The following ZNF292 variants were observed in gnomAD, a reference collection of about 807,000 sequenced individuals.
ZNF292 encodes the protein 16 zinc-finger domain protein.
Under a neutral mutation model 217.9 loss-of-function variants are expected in ZNF292, and 26 were observed. That is an observed-to-expected ratio of 0.12 (90% CI 0.09 to 0.17). ZNF292 has a LOEUF of 0.17. Among genes scored for constraint, ZNF292 ranks in the 10% least tolerant of loss-of-function variants. The probability of loss-of-function intolerance (pLI) is 1.00; values close to 1 mark genes in which losing one functional copy is unlikely to be tolerated. For synonymous variants in ZNF292, 1,257 were observed against 1,124.1 expected, an observed-to-expected ratio of 1.12 and a Z score of -2.37; for missense variants, 2,904 against 3,175.2, an observed-to-expected ratio of 0.91 and a Z score of 2.05.
chr6:87,249,106 CCTT>C (rs1370560045), intron 7 of ZNF292, among the ~76,000 whole-genome samples: 1 of 152,136 alleles, frequency 6.6e-6, no homozygotes, highest in East Asian at 1.9e-4. Context: ...ATGGCAGCAG[CCTT>C]CTTCTCTGTT....
chr6:87,223,040 CTT>C, intron 4 of ZNF292: 1 of 201,024 alleles, frequency 5.0e-6, no homozygotes, highest in Non-Finnish European at 1.1e-5. Flanking sequence ...GTCAACATGA[CTT>C]ATCACTGTTT....
intron 1 of ZNF292, among the ~76,000 whole-genome samples, chr6:87,163,446 G>T (rs557793603): frequency 6.7e-6 from 1 of 149,430 alleles, no homozygotes; most frequent in African/African-American, 2.5e-5. Context: ...TCGAGACTTC[G>T]CCTCAAAAAA....
chr6:87,163,301 A>G (rs1770813335), intron 1 of ZNF292, among the ~76,000 whole-genome samples: 1 of 152,110 alleles, frequency 6.6e-6, no homozygotes, highest in Non-Finnish European at 1.5e-5. Flanking sequence ...AATACAAAAA[A>G]TTAGCCGGGT....
rs1220119218 is a variant in ZNF292, at chr6:87,155,682, G to A, written c.91G>A (p.Glu31Lys). Reference protein sequence around the residue: ...ELQRLGERLQELELQLRESRV... With the variant: ...ELQRLGERLQKLELQLRESRV... Reference sequence around the variant, plus strand: ...GCAGCGCCTGGGCGAGCGGCTCCAGGAGCTGGAGCTACAGCTGCGGGAGAG... The same window carrying A: ...GCAGCGCCTGGGCGAGCGGCTCCAGAAGCTGGAGCTACAGCTGCGGGAGAG... The change falls in exon 1 of 8, where the codon GAG (glutamate) becomes AAG (lysine). Residue 31 changes from glutamate to lysine, a missense_variant. This residue lies in a region of ZNF292 where 66 missense variants were observed against 44.1 expected (regional missense o/e 1.50). Coordinates refer to ENST00000369577, the MANE Select transcript of ZNF292 (RefSeq NM_015021.3). 8 of 1,589,574 alleles carry A rather than the reference G, an allele frequency of 5.0e-6. No homozygotes were observed. The highest frequency in any genetic ancestry group is 6.8e-6 in the Non-Finnish European group (8 of 1,169,916).
At chr6:87,155,841 G>A in intron 1 of ZNF292, 82 bp downstream of exon 1, 3 of 1,434,704 alleles carry the variant, frequency 2.1e-6, no homozygotes, top group Non-Finnish European at 2.7e-6. Flanking sequence ...GCCGAGAGGT[G>A]GTCGCCGCTT....
intron 1 of ZNF292, among the ~76,000 whole-genome samples, chr6:87,183,844 C>A (rs1771548138): frequency 6.6e-6 from 1 of 152,192 alleles, no homozygotes; most frequent in Non-Finnish European, 1.5e-5. Flanking sequence ...AGTATTATAA[C>A]TGTAGTCATC....
chr6:87,246,507 T>G (rs1774591081), intron 7 of ZNF292, among the ~76,000 whole-genome samples: 1 of 152,176 alleles, frequency 6.6e-6, no homozygotes, highest in South Asian at 2.1e-4. Context: ...ATATGTTGCT[T>G]CTTGCAGTGA....
intron 1 of ZNF292, among the ~76,000 whole-genome samples, chr6:87,215,597 C>T (rs1307019290): frequency 6.6e-6 from 1 of 152,068 alleles, no homozygotes; most frequent in Non-Finnish European, 1.5e-5. Context: ...GCTCAGATGT[C>T]TTTTTAAAAT....
At chr6:87,175,417 C>T (rs998424054) in intron 1 of ZNF292, among the ~76,000 whole-genome samples, 3 of 152,150 alleles carry the variant, frequency 2.0e-5, no homozygotes, top group Non-Finnish European at 4.4e-5. Flanking sequence ...CTACCTGCAG[C>T]CTTGAACTCC....
intron 1 of ZNF292, among the ~76,000 whole-genome samples, chr6:87,186,876 TAA>T (rs1368616105): frequency 6.6e-6 from 1 of 152,220 alleles, no homozygotes; most frequent in Non-Finnish European, 1.5e-5. Flanking sequence ...TTCCAGAACT[TAA>T]AGTTTCTCTG....
At chr6:87,159,785 C>G (rs1218712643) in intron 1 of ZNF292, among the ~76,000 whole-genome samples, 2 of 152,180 alleles carry the variant, frequency 1.3e-5, no homozygotes, top group African/African-American at 4.8e-5. Flanking sequence ...GGCCCTGTCT[C>G]AGCCTTCTAA....
At chr6:87,190,620 C>G (rs1011113174) in intron 1 of ZNF292, among the ~76,000 whole-genome samples, 1 of 152,062 alleles carries the variant, frequency 6.6e-6, no homozygotes, top group Non-Finnish European at 1.5e-5. Context: ...ACTACAGGTG[C>G]GTGCCACCAC....
intron 1 of ZNF292, among the ~76,000 whole-genome samples, chr6:87,164,762 CTTTT>C (rs36077738): frequency 7.8e-5 from 10 of 128,322 alleles, no homozygotes; most frequent in African/African-American, 9.1e-5. Context: ...GGAATGACCT[CTTTT>C]TTTTTTTTTT....
At position 87,261,615 on chromosome 6, in the gene ZNF292, C is replaced by T; in HGVS notation, c.7986C>T (p.Cys2662=). The T allele has an allele frequency of 6.2e-7, 1 of 1,610,970 alleles. No homozygotes were observed. ...TTGCCAATCCATCACAGCTTCAGTG[C>T]AGTGATAATGTAAAAATTGTTTTAG... ...VQFANPSQLQ[C]SDNVKIVLDK... The change falls in exon 8 of 8, where the codon TGC becomes TGT. Residue 2662 remains cysteine (C), a synonymous_variant. Coordinates refer to ENST00000369577, the MANE Select transcript of ZNF292 (RefSeq NM_015021.3).
intron 1 of ZNF292, among the ~76,000 whole-genome samples, chr6:87,181,674 G>A (rs1301990183): frequency 6.7e-6 from 1 of 150,092 alleles, no homozygotes; most frequent in African/African-American, 2.5e-5. Context: ...TTAGGGTGTG[G>A]TTCTTTTTTG....
chr6:87,259,098 T>C lies in ZNF292; in HGVS notation c.5469T>C (p.Ser1823=), dbSNP rs1208855343. 6.2e-7 allele frequency: 1 copy of C among 1,613,284 alleles called. No individual in the cohort carries two copies. Among genetic ancestry groups the C allele is most frequent in the East Asian group, 2.2e-5 (1 of 44,848 alleles). ...SSFISVMPTK[S]NIPQSEVSHK... is the part of the protein sequence containing the mutation. Reference sequence around the variant, plus strand: ...TTATAAGTGTCATGCCAACAAAAAGTAACATTCCTCAGTCTGAAGTATCAC... The same window carrying C: ...TTATAAGTGTCATGCCAACAAAAAGCAACATTCCTCAGTCTGAAGTATCAC... The change falls in exon 8 of 8, where the codon AGT becomes AGC. Residue 1823 remains serine (S), a synonymous_variant. Coordinates refer to ENST00000369577, the MANE Select transcript of ZNF292 (RefSeq NM_015021.3).
At chr6:87,212,815 T>C (rs1344384194) in intron 1 of ZNF292, among the ~76,000 whole-genome samples, 1 of 152,218 alleles carries the variant, frequency 6.6e-6, no homozygotes, top group Non-Finnish European at 1.5e-5. Context: ...TAGCAGTCCA[T>C]AGTTCTCTGT....
At position 87,264,751 on chromosome 6, in the gene ZNF292, C is replaced by G. The variant is rs926210687; in HGVS notation, c.*2950C>G. ...GTGGGATCAGGAGTGTTCTTGTATGCTGTATTAAGTCTTTATTTTGGTTTT... is the reference window on the plus strand; with the variant it reads ...GTGGGATCAGGAGTGTTCTTGTATGGTGTATTAAGTCTTTATTTTGGTTTT... On this transcript the variant is annotated 3_prime_UTR_variant, in exon 8 of 8. Coordinates refer to ENST00000369577, the MANE Select transcript of ZNF292 (RefSeq NM_015021.3). Among the ~76,000 whole-genome samples the G allele has an allele frequency of 1.1e-4, 17 of 152,000 alleles. No homozygotes were observed. Among genetic ancestry groups the G allele is most frequent in the Non-Finnish European group, 2.5e-4 (17 of 68,006 alleles).
rs554107497 is a variant in ZNF292, at chr6:87,221,274, T to C, written c.538+2543T>C. Among the ~76,000 whole-genome samples, 24 of 152,316 alleles carry C rather than the reference T, an allele frequency of 1.6e-4. No individual in the cohort carries two copies. The South Asian group carries it at 5.0e-3, about 32-fold the overall frequency. ...TACAAGTCAAGTAGATGGTTTTGAA[T>C]ATCAAAGGAACTTTAGGCATACTTA... On this transcript the variant is annotated intron_variant, in intron 4 of 7. Transcript: ENST00000369577.
Sources: allele counts gnomAD v4.1 joint callset (sites outside exome capture counted in the v4.1 genomes callset), GRCh38; gene constraint gnomAD v4.1.1; regional missense constraint gnomAD v4.1.1; transcripts MANE v1.5; gene names NCBI Gene and HGNC (gene_info 2026-07-23, HGNC 2026-07-21).